COX7B2: variants seen among roughly 807,000 people sequenced by gnomAD.
The protein encoded by COX7B2 is cytochrome c oxidase subunit 7B2, mitochondrial.
For missense variants in COX7B2, 109 were observed against 95.9 expected, an observed-to-expected ratio of 1.14 and a Z score of -0.57; for synonymous variants, 37 against 32.1, an observed-to-expected ratio of 1.15 and a Z score of -0.51.
intron 2 of COX7B2, among the ~76,000 whole-genome samples, chr4:46,774,338 T>C (rs1254284060): frequency 6.6e-6 from 1 of 151,932 alleles, no homozygotes; most frequent in Non-Finnish European, 1.5e-5. Context: ...AATTTAAAAT[T>C]TACCTGACCT....
intron 1 of COX7B2, among the ~76,000 whole-genome samples, chr4:46,885,798 A>C (rs1195512482): frequency 2.6e-5 from 4 of 152,150 alleles, no homozygotes. Flanking sequence ...ATATATAAGA[A>C]GGCAATGAAT....
chr4:46,909,055 A>AT (rs1207310287), intron 1 of COX7B2, 105 bp downstream of exon 1: 3 of 152,250 alleles, frequency 2.0e-5, no homozygotes, highest in Non-Finnish European at 2.9e-5. Flanking sequence ...AAAAAAAAAA[A>AT]AAAATTTCAA....
At chr4:46,809,449 A>G (rs564050913) in intron 2 of COX7B2, among the ~76,000 whole-genome samples, 1 of 151,892 alleles carries the variant, frequency 6.6e-6, no homozygotes, top group East Asian at 1.9e-4. Flanking sequence ...GCTGTCTTCC[A>G]TAAGTTTTGG....
At chr4:46,843,373 T>C (rs561688403) in intron 2 of COX7B2, among the ~76,000 whole-genome samples, 162 of 152,162 alleles carry the variant, frequency 1.1e-3, no homozygotes, top group African/African-American at 3.4e-3. Flanking sequence ...GGACATCCTC[T>C]GAAGTAGTGA....
intron 2 of COX7B2, among the ~76,000 whole-genome samples, chr4:46,807,935 A>G (rs1399432818): frequency 6.6e-6 from 1 of 151,916 alleles, no homozygotes; most frequent in Admixed American, 6.6e-5. Context: ...GATTTGTAAT[A>G]TAATTTTAAA....
intron 1 of COX7B2, among the ~76,000 whole-genome samples, chr4:46,856,466 C>T (rs1717014360): frequency 6.6e-6 from 1 of 152,140 alleles, no homozygotes; most frequent in Non-Finnish European, 1.5e-5. Flanking sequence ...TTTACATGGA[C>T]TAAGGTAATT....
chr4:46,809,728 C>T (rs1719191058), intron 2 of COX7B2, among the ~76,000 whole-genome samples: 1 of 151,860 alleles, frequency 6.6e-6, no homozygotes, highest in Non-Finnish European at 1.5e-5. Context: ...TTTTCTGCTG[C>T]TGCTGGATGG....
intron 2 of COX7B2, among the ~76,000 whole-genome samples, chr4:46,819,104 A>T (rs1004926327): frequency 6.6e-5 from 10 of 152,204 alleles, no homozygotes; most frequent in African/African-American, 2.4e-4. Flanking sequence ...TTTTTAAAAA[A>T]CCATGTAGCC....
At chr4:46,827,658 GA>G (rs2109714655) in intron 2 of COX7B2, among the ~76,000 whole-genome samples, 1 of 152,240 alleles carries the variant, frequency 6.6e-6, no homozygotes, top group East Asian at 1.9e-4. Flanking sequence ...AAACGAAGTT[GA>G]AAGGACTGAA....
At chr4:46,759,386 A>G (rs1202311053) in intron 2 of COX7B2, among the ~76,000 whole-genome samples, 1 of 152,112 alleles carries the variant, frequency 6.6e-6, no homozygotes. Context: ...AATGCCTAAA[A>G]GAAACTATCA....
intron 2 of COX7B2, among the ~76,000 whole-genome samples, chr4:46,843,524 T>A (rs115220306): frequency 0.011 from 1,679 of 152,090 alleles, 19 homozygotes; most frequent in Middle Eastern, 0.041. Context: ...CTGATTTTTT[T>A]AATCTATGTT....
chr4:46,829,651 G>A (rs1714933347), intron 2 of COX7B2, among the ~76,000 whole-genome samples: 2 of 152,166 alleles, frequency 1.3e-5, no homozygotes, highest in Admixed American at 1.3e-4. Flanking sequence ...GGGGATCAGA[G>A]AAGCTTTGTG....
intron 1 of COX7B2, among the ~76,000 whole-genome samples, chr4:46,873,906 T>G (rs1313511141): frequency 2.0e-5 from 3 of 152,048 alleles, no homozygotes; most frequent in Non-Finnish European, 2.9e-5. Flanking sequence ...CACCTATGAG[T>G]GAGAACATGC....
chr4:46,777,057 T>C (rs991159888), intron 2 of COX7B2, among the ~76,000 whole-genome samples: 2 of 152,192 alleles, frequency 1.3e-5, no homozygotes, highest in Non-Finnish European at 2.9e-5. Context: ...ATTAAACTGC[T>C]GCATCATCCA....
At chr4:46,871,726 A>T (rs1257500767) in intron 1 of COX7B2, among the ~76,000 whole-genome samples, 1 of 152,128 alleles carries the variant, frequency 6.6e-6, no homozygotes, top group Non-Finnish European at 1.5e-5. Context: ...CAACCATATG[A>T]AAAAAAGCTC....
At chr4:46,784,985 A>G (rs896799968) in intron 2 of COX7B2, among the ~76,000 whole-genome samples, 6 of 152,356 alleles carry the variant, frequency 3.9e-5, no homozygotes, top group East Asian at 3.9e-4. Flanking sequence ...TTAAATCATA[A>G]TAAGTTTAAG....
At chr4:46,748,274 A>G (rs1203851094) in intron 2 of COX7B2, among the ~76,000 whole-genome samples, 1 of 152,204 alleles carries the variant, frequency 6.6e-6, no homozygotes, top group Non-Finnish European at 1.5e-5. Context: ...TACTGCTCAA[A>G]TACTGGCAAT....
chr4:46,873,280 A>G (rs1387305374), intron 1 of COX7B2, among the ~76,000 whole-genome samples: 1 of 152,104 alleles, frequency 6.6e-6, no homozygotes, highest in African/African-American at 2.4e-5. Context: ...GCCGCAATAA[A>G]CATACGTATG....
chr4:46,895,810 G>C (rs1719727720), intron 1 of COX7B2, among the ~76,000 whole-genome samples: 4 of 151,954 alleles, frequency 2.6e-5, no homozygotes, highest in Admixed American at 2.6e-4. Flanking sequence ...ACCAAATCCT[G>C]ATCTCCCTAA....
Sources: allele counts gnomAD v4.1 joint callset (sites outside exome capture counted in the v4.1 genomes callset), GRCh38; gene constraint gnomAD v4.1.1; transcripts MANE v1.5; gene names NCBI Gene and HGNC (gene_info 2026-07-23, HGNC 2026-07-21).